Variants in SSR1 observed in about 807,000 individuals in gnomAD.
SSR1 encodes the protein signal sequence receptor subunit 1.
SSR1 carries 13 observed loss-of-function variants against 36.1 expected under a neutral mutation model. The observed-to-expected ratio is 0.36, with a 90% CI of 0.23 to 0.57. The LOEUF (loss-of-function observed/expected upper bound fraction) is 0.57. Ranked by LOEUF, SSR1 falls within the 20% of genes least tolerant of loss-of-function variation. SSR1 has a pLI of 0.81. For synonymous variants in SSR1, 113 were observed against 118.9 expected (o/e 0.95, Z 0.32); for missense variants, 291 against 338.5 (o/e 0.86, Z 1.10).
chr6:7,292,734 T>TCC (rs201440969), intron 7 of SSR1, among the ~76,000 whole-genome samples: 46 of 152,000 alleles, frequency 3.0e-4, no homozygotes, highest in African/African-American at 1.1e-3. Context: ...TTAAAGTGGC[T>TCC]CTTTGACCTA....
chr6:7,295,577 C>T, intron 6 of SSR1, 92 bp from the exon 7 acceptor site: 1 of 941,406 alleles, frequency 1.1e-6, no homozygotes, highest in Admixed American at 3.3e-5. Flanking sequence ...GCTATGTTGC[C>T]CAGGCTGCCT....
chr6:7,301,189 G>A (rs1757925360), intron 4 of SSR1, 121 bp downstream of exon 4: 2 of 1,211,258 alleles, frequency 1.7e-6, no homozygotes, highest in African/African-American at 3.1e-5. Context: ...TGCTTCCCTG[G>A]TGGCTATCAC....
chr6:7,297,983 G>T lies in SSR1; in HGVS notation c.639C>A (p.Phe213Leu). 1 of 1,613,060 alleles carries T rather than the reference G, an allele frequency of 6.2e-7. No individual in the cohort carries two copies. Among genetic ancestry groups the T allele is most frequent in the South Asian group, 1.1e-5 (1 of 91,018 alleles). ...LDGETIFMYM[F>L]LAGLGLLVIV... ...TAACCAGAAGCCCAAGACCAGCAAG[G>T]AACATATACATAAAGATTCTGGTAC... Residue 213 changes from phenylalanine (F) to leucine (L), a missense_variant, in exon 6 of 8, where the codon TTC (phenylalanine) becomes TTA (leucine). Physicochemically the swap from Phe to Leu is conservative, Grantham distance 22. Transcript: ENST00000244763.
chr6:7,299,397 A>C (rs535416895), intron 4 of SSR1, among the ~76,000 whole-genome samples: 1 of 152,168 alleles, frequency 6.6e-6, no homozygotes, highest in Non-Finnish European at 1.5e-5. Context: ...AGTTAAATTC[A>C]TGTTCTAAAA....
At chr6:7,310,683 G>C (rs1758173669) in intron 1 of SSR1, among the ~76,000 whole-genome samples, 1 of 152,164 alleles carries the variant, frequency 6.6e-6, no homozygotes. Flanking sequence ...GGCTGAGGAG[G>C]GTGAATTACT....
chr6:7,303,901 C>A (rs554769057), intron 2 of SSR1, among the ~76,000 whole-genome samples: 1 of 152,254 alleles, frequency 6.6e-6, no homozygotes, highest in South Asian at 2.1e-4. Flanking sequence ...GCAGGAGAAT[C>A]GCTTGAATCC....
intron 6 of SSR1, among the ~76,000 whole-genome samples, chr6:7,296,043 G>A (rs1433978126): frequency 6.6e-6 from 1 of 151,998 alleles, no homozygotes; most frequent in Non-Finnish European, 1.5e-5. Context: ...TTTCTGCATC[G>A]TAAGCTAAAT....
At chr6:7,300,054 T>C (rs1315884816) in intron 4 of SSR1, among the ~76,000 whole-genome samples, 1 of 152,194 alleles carries the variant, frequency 6.6e-6, no homozygotes, top group Non-Finnish European at 1.5e-5. Flanking sequence ...TTAAATTTTA[T>C]TCTACTCAAA....
At chr6:7,290,300 A>C (rs1020845201) in intron 7 of SSR1, among the ~76,000 whole-genome samples, 25 of 152,286 alleles carry the variant, frequency 1.6e-4, no homozygotes, top group African/African-American at 5.3e-4. Context: ...GCAGTCATGC[A>C]GTTTGCATAA....
intron 3 of SSR1, among the ~76,000 whole-genome samples, chr6:7,302,527 A>T (rs961858264): frequency 3.3e-5 from 5 of 152,184 alleles, no homozygotes; most frequent in African/African-American, 1.2e-4. Context: ...GTACTTCAGG[A>T]GGCAGAGGCG....
chr6:7,285,909 CAG>C lies in SSR1; in HGVS notation c.*3953_*3954del, dbSNP rs1757542787. 1 of 152,066 alleles carries C rather than the reference CAG, an allele frequency of 6.6e-6. No individual in the cohort carries two copies. Among genetic ancestry groups the C allele is most frequent in the South Asian group, 2.1e-4 (1 of 4,828 alleles). The allele number at this position is 152,066 out of a possible 1,614,324, so 9.4% of individuals were successfully genotyped here. Reference sequence around the variant, plus strand: ...GAGACATTTAAAGGTATGTCATTAACAGAAATTTAAAAGGGTATTGTGGGTAA... The same window carrying C: ...GAGACATTTAAAGGTATGTCATTAACAAATTTAAAAGGGTATTGTGGGTAA... On this transcript the variant is annotated 3_prime_UTR_variant, in exon 8 of 8. Coordinates refer to ENST00000244763, the MANE Select transcript of SSR1 (RefSeq NM_003144.5). This position sits in a 1 kb window ranked among gnomAD's most constrained non-coding sequence, Gnocchi z 4.1.
At chr6:7,308,752 A>AT (rs1401420702) in intron 2 of SSR1, among the ~76,000 whole-genome samples, 1 of 135,414 alleles carries the variant, frequency 7.4e-6, no homozygotes. Context: ...CTGCCCCAAA[A>AT]AAAAGTCTGA....
At position 7,313,035 on chromosome 6, in the gene SSR1, G is replaced by A. The variant is rs762522284; in HGVS notation, c.79+7C>T. On this transcript the variant is annotated splice_region_variant and intron_variant, in intron 1 of 7. Transcript: ENST00000244763. ...GCCATCCCCTCCGCACACTCCCCCA[G>A]CCTCACCTCTGGGGCCGCCTCGGAA... The A allele has an allele frequency of 1.9e-6, 3 of 1,598,760 alleles. No homozygotes were observed. Among genetic ancestry groups the A allele is most frequent in the Admixed American group, 3.5e-5 (2 of 57,898 alleles).
chr6:7,313,061 C>A lies in SSR1; in HGVS notation c.60G>T (p.Leu20Phe). The change falls in exon 1 of 8, where the codon TTG becomes TTT. Residue 20 changes from leucine to phenylalanine, a missense_variant. Coordinates refer to ENST00000244763, the MANE Select transcript of SSR1 (RefSeq NM_003144.5). The part of the protein sequence containing the change: ...LLLLVFPATV[L>F]FRGGPRGLLA... ...CCTCACCTCTGGGGCCGCCTCGGAACAAGACAGTGGCAGGGAACACGAGTA... is the reference window on the plus strand; with the variant it reads ...CCTCACCTCTGGGGCCGCCTCGGAAAAAGACAGTGGCAGGGAACACGAGTA... 6.2e-7 allele frequency: 1 copy of A among 1,608,808 alleles called. No individual in the cohort carries two copies. The highest frequency in any genetic ancestry group is 8.5e-7 in the Non-Finnish European group (1 of 1,177,560).
chr6:7,300,954 C>A (rs914447825), intron 4 of SSR1, among the ~76,000 whole-genome samples: 1 of 152,134 alleles, frequency 6.6e-6, no homozygotes, highest in Non-Finnish European at 1.5e-5. Flanking sequence ...CAGATCTTAA[C>A]ATCTGAATAA....
At chr6:7,293,476 T>C (rs1366676684) in intron 7 of SSR1, among the ~76,000 whole-genome samples, 2 of 151,864 alleles carry the variant, frequency 1.3e-5, no homozygotes, top group African/African-American at 4.8e-5. Flanking sequence ...AGTCTCACTG[T>C]CACCCAGGCT....
intron 4 of SSR1, among the ~76,000 whole-genome samples, chr6:7,300,260 G>A (rs1472949761): frequency 6.6e-6 from 1 of 152,152 alleles, no homozygotes; most frequent in Non-Finnish European, 1.5e-5. Flanking sequence ...TAATGAAAAG[G>A]TTGAATTAGC....
At chr6:7,311,428 G>A (rs1758193081) in intron 1 of SSR1, among the ~76,000 whole-genome samples, 1 of 152,212 alleles carries the variant, frequency 6.6e-6, no homozygotes, top group South Asian at 2.1e-4. Flanking sequence ...CCATGCATTT[G>A]CAGTCTTTTC....
intron 2 of SSR1, among the ~76,000 whole-genome samples, chr6:7,306,285 G>A (rs1758050710): frequency 2.0e-5 from 3 of 152,052 alleles, no homozygotes; most frequent in Admixed American, 6.5e-5. Context: ...TGGGACTACA[G>A]GTGCCCACCA....
Sources: gnomAD v4.1 joint callset for allele counts (sites outside exome capture counted in the v4.1 genomes callset) on GRCh38, gnomAD v4.1.1 for gene constraint, Gnocchi (gnomAD v3.1) non-coding constraint, MANE v1.5 for transcripts, NCBI Gene and HGNC (gene_info 2026-07-23, HGNC 2026-07-21) for gene names.